ELP1: variants seen among roughly 807,000 people sequenced by gnomAD.
ELP1 encodes the protein elongator acetyltransferase complex subunit 1.
A neutral mutation model predicts 183.2 loss-of-function variants in ELP1; 131 were observed. That is an observed-to-expected ratio of 0.72 (90% CI 0.62 to 0.83). The LOEUF is 0.83. ELP1 is among the 40% of genes least tolerant of loss of function. The pLI, the probability that ELP1 is intolerant of heterozygous loss-of-function variation, is 0.00. For synonymous variants in ELP1, 555 were observed against 569.0 expected (o/e 0.98, Z 0.35); for missense variants, 1,550 against 1,594.9 (o/e 0.97, Z 0.48).
intron 25 of ELP1, among the ~76,000 whole-genome samples, chr9:108,894,345 G>A (rs561677093): frequency 6.6e-6 from 1 of 152,242 alleles, no homozygotes; most frequent in South Asian, 2.1e-4. Context: ...TTGGCCCTCT[G>A]TATCTGCAAG....
intron 29 of ELP1, among the ~76,000 whole-genome samples, chr9:108,885,881 AG>A (rs1227882108): frequency 6.6e-6 from 1 of 152,160 alleles, no homozygotes; most frequent in East Asian, 1.9e-4. Flanking sequence ...GTGCAAAGGA[AG>A]GGGGCTAAGG....
chr9:108,899,066 G>A (rs1192558552), intron 20 of ELP1, among the ~76,000 whole-genome samples: 1 of 152,030 alleles, frequency 6.6e-6, no homozygotes, highest in Middle Eastern at 3.2e-3. Flanking sequence ...GGAGGCCGAG[G>A]TGGGCAGAAC....
At chr9:108,889,745 G>A (rs2131966981) in intron 28 of ELP1, 1 of 352,644 alleles carries the variant, frequency 2.8e-6, no homozygotes, top group Non-Finnish European at 5.4e-6. Context: ...TTTGAGTCAT[G>A]CAGTGTCTTT....
intron 13 of ELP1, among the ~76,000 whole-genome samples, chr9:108,906,901 A>G (rs1195585784): frequency 6.6e-6 from 1 of 152,174 alleles, no homozygotes; most frequent in East Asian, 1.9e-4. Context: ...CTGACTGACT[A>G]GCTTGAGAGA....
rs201390288 is a variant in ELP1 at position 108,900,325 on chromosome 9, G to A, written c.2065C>T (p.Arg689Trp). 5.0e-6 allele frequency: 8 copies of A among 1,613,966 alleles called. No homozygotes were observed. The highest frequency in any genetic ancestry group is 2.7e-5 in the African/African-American group (2 of 74,902). ...SNHVSHGEVLRKVERGSRIVT... is the reference protein window; with the variant it reads ...SNHVSHGEVLWKVERGSRIVT... Reference sequence around the variant, plus strand: ...ATCCGTGAACCCCTCTCCACTTTCCGCAGAACTTCCCCATGGGACACATGA... The same window carrying A: ...ATCCGTGAACCCCTCTCCACTTTCCACAGAACTTCCCCATGGGACACATGA... Residue 689 changes from arginine (R) to tryptophan (W), a missense_variant, in exon 19 of 37, where the codon CGG becomes TGG. Physicochemically the swap from Arg to Trp is moderately radical, Grantham distance 101 (BLOSUM62 -3). Coordinates refer to ENST00000374647, the MANE Select transcript of ELP1 (RefSeq NM_003640.5).
chr9:108,878,363 T>C (rs1370591274), intron 34 of ELP1, among the ~76,000 whole-genome samples: 2 of 152,218 alleles, frequency 1.3e-5, no homozygotes. Context: ...CAGAAAGCAG[T>C]GTCCCACAAT....
In ELP1 at chr9:108,922,063, G is replaced by A. The variant is rs550534417; in HGVS notation, c.552+779C>T. On this transcript the variant is annotated intron_variant, in intron 6 of 36. Coordinates refer to ENST00000374647, the MANE Select transcript of ELP1 (RefSeq NM_003640.5). The stretch of plus-strand genomic sequence containing the variant: ...AAATGTTATGAGGATAATGTAATCT[G>A]TACTTTTCTAACAGAGATCTGTAAT... Among the ~76,000 whole-genome samples, 6 of 152,304 alleles carry A rather than the reference G, an allele frequency of 3.9e-5. 1 individual carries two copies. In the South Asian group the frequency reaches 6.2e-4, roughly 16 times the overall value.
chr9:108,917,239 G>A (rs897059352), intron 9 of ELP1, among the ~76,000 whole-genome samples: 15 of 152,068 alleles, frequency 9.9e-5, no homozygotes, highest in Admixed American at 1.3e-4. Flanking sequence ...AGGCAGAGGC[G>A]GGTGGATCAC....
chr9:108,891,814 CAG>C (rs778030185), intron 27 of ELP1, among the ~76,000 whole-genome samples: 44 of 152,136 alleles, frequency 2.9e-4, no homozygotes, highest in Non-Finnish European at 5.3e-4. Flanking sequence ...TTGCAGCTCT[CAG>C]GGAGTGTGAG....
At position 108,878,638 on chromosome 9, in the gene ELP1, T is replaced by A. The variant is rs1220313076; in HGVS notation, c.3685A>T (p.Thr1229Ser). 2 of 1,614,234 alleles carry A rather than the reference T, an allele frequency of 1.2e-6. No homozygotes were observed. The highest frequency in any genetic ancestry group is 1.7e-6 in the Non-Finnish European group (2 of 1,180,044). Residue 1229 changes from threonine to serine, a missense_variant, in exon 34 of 37, where the codon ACT (threonine) becomes TCT (serine). Thr to Ser is a moderately conservative substitution (Grantham distance 58). Coordinates refer to ENST00000374647, the MANE Select transcript of ELP1 (RefSeq NM_003640.5). ...GAGAATATACCTTTCAGGTTTTCAG[T>A]GTTCTGCACCACTTCACTCAGTGCC... ...LEALSEVVQNTENLKDEVYHI... is the reference protein window; with the variant it reads ...LEALSEVVQNSENLKDEVYHI...
At chr9:108,931,890 GA>G (rs1162968833) in intron 1 of ELP1, among the ~76,000 whole-genome samples, 4 of 152,162 alleles carry the variant, frequency 2.6e-5, no homozygotes, top group Admixed American at 1.3e-4. Flanking sequence ...TAAAACGTGA[GA>G]AAAGAGTGCT....
chr9:108,869,469 A>C (rs779383278), intron 36 of ELP1, among the ~76,000 whole-genome samples: 1 of 152,206 alleles, frequency 6.6e-6, no homozygotes, highest in Non-Finnish European at 1.5e-5. Flanking sequence ...GGGTGGTGGC[A>C]GCAGTCACAT....
At chr9:108,914,876 C>G (rs139202081) in intron 10 of ELP1, among the ~76,000 whole-genome samples, 3 of 152,162 alleles carry the variant, frequency 2.0e-5, no homozygotes, top group African/African-American at 7.2e-5. Flanking sequence ...CCGCCCGCCT[C>G]GGCCTCCCAA....
chr9:108,890,800 A>G (rs12353209), intron 28 of ELP1, among the ~76,000 whole-genome samples: 8,360 of 152,286 alleles, frequency 0.055, 800 homozygotes, highest in African/African-American at 0.19. Context: ...CGTGGCCGAG[A>G]TGGAATAGAA....
At chr9:108,897,472 A>G (rs1360181363) in intron 22 of ELP1, among the ~76,000 whole-genome samples, 187 bp from the exon 23 acceptor site, 1 of 152,258 alleles carries the variant, frequency 6.6e-6, no homozygotes, top group Non-Finnish European at 1.5e-5. Context: ...TAGATGTTTT[A>G]GTCACATTAG....
chr9:108,871,928 T>C (rs917808072), intron 36 of ELP1, among the ~76,000 whole-genome samples: 1 of 152,346 alleles, frequency 6.6e-6, no homozygotes, highest in African/African-American at 2.4e-5. Flanking sequence ...CCTTTTCTTT[T>C]ATAATAGTCC....
chr9:108,872,803 TGAAAAAAAAAAAAAA>T (rs1344978805), intron 36 of ELP1, among the ~76,000 whole-genome samples: 47 of 62,812 alleles, frequency 7.5e-4, no homozygotes, highest in African/African-American at 3.5e-3. Context: ...AGACTCTGTC[TGAAAAAAAAAAAAAA>T]AAAAAAAAAA....
intron 8 of ELP1, among the ~76,000 whole-genome samples, chr9:108,918,498 T>C (rs1463872711): frequency 6.6e-6 from 1 of 152,170 alleles, no homozygotes; most frequent in Non-Finnish European, 1.5e-5. Flanking sequence ...CATTTTCTGC[T>C]CTGTACAATG....
Position 108,877,933 on chromosome 9 carries a change from T to C in ELP1, c.3855+62A>G, listed in dbSNP as rs112914549. The C allele has an allele frequency of 5.1e-5, 80 of 1,557,604 alleles. No homozygotes were observed. In the African/African-American group the frequency reaches 9.1e-4, roughly 18 times the overall value. On this transcript the variant is annotated intron_variant, in intron 35 of 36. Transcript: ENST00000374647. The stretch of plus-strand genomic sequence containing the variant: ...GGAAAACTTTTTGACTTGGAGATTG[T>C]GTGAATACAATAACCCATGAAAATG...
Sources: allele counts gnomAD v4.1 joint callset (sites outside exome capture counted in the v4.1 genomes callset), GRCh38; gene constraint gnomAD v4.1.1; transcripts MANE v1.5; gene names NCBI Gene and HGNC (gene_info 2026-07-23, HGNC 2026-07-21).